Variants in ANKS1B observed in about 807,000 individuals in gnomAD.
The protein encoded by ANKS1B is ankyrin repeat and sterile alpha motif domain containing 1B.
ANKS1B carries 36 observed loss-of-function variants against 148.3 expected under a neutral mutation model. That is an observed-to-expected ratio of 0.24 (90% CI 0.19 to 0.32). The LOEUF is 0.32. Among genes scored for constraint, ANKS1B ranks in the 10% least tolerant of loss-of-function variants. ANKS1B has a pLI of 1.00. For missense variants in ANKS1B, 1,157 were observed against 1,542.6 expected, an observed-to-expected ratio of 0.75 and a Z score of 4.19; for synonymous variants, 542 against 560.8, an observed-to-expected ratio of 0.97 and a Z score of 0.47.
At chr12:99,077,077 C>A (rs556510077) in intron 16 of ANKS1B, among the ~76,000 whole-genome samples, 17 of 152,140 alleles carry the variant, frequency 1.1e-4, no homozygotes, top group East Asian at 3.9e-4. Flanking sequence ...ACAAAAAAAA[C>A]CCCACAAGAC....
intron 10 of ANKS1B, among the ~76,000 whole-genome samples, chr12:99,494,732 CAAAAAAAAAAAA>C (rs59115173): frequency 3.6e-5 from 2 of 55,998 alleles, no homozygotes; most frequent in South Asian, 8.0e-4. Context: ...CACTCTGTCT[CAAAAAAAAAAAA>C]AAAAAAAAAA....
chr12:99,078,177 C>T (rs981870889), intron 16 of ANKS1B, among the ~76,000 whole-genome samples: 9 of 152,112 alleles, frequency 5.9e-5, no homozygotes, highest in Non-Finnish European at 1.3e-4. Flanking sequence ...CTATTTTCTT[C>T]GTTCAGGCCT....
At chr12:98,876,238 G>A (rs2099689430) in intron 17 of ANKS1B, among the ~76,000 whole-genome samples, 1 of 152,176 alleles carries the variant, frequency 6.6e-6, no homozygotes, top group African/African-American at 2.4e-5. Context: ...GGCACCACAT[G>A]TGGGATGCTC....
chr12:98,805,493 T>G (rs1265311309), intron 20 of ANKS1B, among the ~76,000 whole-genome samples: 1 of 152,208 alleles, frequency 6.6e-6, no homozygotes, highest in Non-Finnish European at 1.5e-5. Context: ...ACTATAAATC[T>G]GTAGTCTGGG....
chr12:99,983,845 G>A (rs983264338), intron 1 of ANKS1B, among the ~76,000 whole-genome samples: 1 of 152,178 alleles, frequency 6.6e-6, no homozygotes, highest in Non-Finnish European at 1.5e-5. Flanking sequence ...ACATGTACAA[G>A]TTCTGCACCA....
intron 1 of ANKS1B, among the ~76,000 whole-genome samples, chr12:99,913,530 C>A (rs2094074119): frequency 6.6e-6 from 1 of 151,904 alleles, no homozygotes; most frequent in African/African-American, 2.4e-5. Context: ...ATCACGCTAA[C>A]AAGAAGTAAA....
intron 10 of ANKS1B, among the ~76,000 whole-genome samples, chr12:99,462,792 T>C (rs2152862988): frequency 6.6e-6 from 1 of 152,370 alleles, no homozygotes; most frequent in South Asian, 2.1e-4. Flanking sequence ...ATGAATGGCC[T>C]GGTGCCCTCC....
chr12:99,126,039 C>T (rs920673586), intron 15 of ANKS1B, among the ~76,000 whole-genome samples: 5 of 152,098 alleles, frequency 3.3e-5, no homozygotes, highest in African/African-American at 1.2e-4. Context: ...ACCCCCAAAA[C>T]ACAGAGTTCT....
chr12:99,804,349 G>T (rs2067330005), intron 4 of ANKS1B, among the ~76,000 whole-genome samples: 1 of 152,186 alleles, frequency 6.6e-6, no homozygotes, highest in Admixed American at 6.5e-5. Context: ...CCTTTGAGGA[G>T]AGAGACTGTT....
At chr12:99,047,981 CT>C (rs2153516208) in intron 17 of ANKS1B, among the ~76,000 whole-genome samples, 1 of 152,264 alleles carries the variant, frequency 6.6e-6, no homozygotes, top group East Asian at 1.9e-4. Flanking sequence ...TTTGATGTTA[CT>C]GGCTAAAAAT....
chr12:99,574,437 G>C (rs1460842648), intron 9 of ANKS1B, among the ~76,000 whole-genome samples: 2 of 152,010 alleles, frequency 1.3e-5, no homozygotes, highest in Non-Finnish European at 2.9e-5. Context: ...TCTTAGCAAA[G>C]CTAAAAAGCC....
chr12:99,726,154 G>T (rs1433365175), intron 8 of ANKS1B, among the ~76,000 whole-genome samples: 1 of 151,992 alleles, frequency 6.6e-6, no homozygotes, highest in Non-Finnish European at 1.5e-5. Context: ...AGAACTGAAG[G>T]GGATAGAGAC....
chr12:99,589,692 A>C (rs1489891382), intron 9 of ANKS1B, among the ~76,000 whole-genome samples: 2 of 152,228 alleles, frequency 1.3e-5, no homozygotes, highest in Non-Finnish European at 2.9e-5. Flanking sequence ...TAATGCATAA[A>C]GATATCCATC....
chr12:99,748,612 A>C (rs892442032), intron 8 of ANKS1B, among the ~76,000 whole-genome samples: 3 of 152,082 alleles, frequency 2.0e-5, no homozygotes, highest in African/African-American at 7.2e-5. Context: ...AACTAAGTAG[A>C]TAAAGCTGCT....
intron 1 of ANKS1B, among the ~76,000 whole-genome samples, chr12:99,933,116 G>A (rs1303358571): frequency 1.3e-5 from 2 of 152,038 alleles, no homozygotes; most frequent in African/African-American, 4.8e-5. Flanking sequence ...TGTTCCATTG[G>A]TCTGTGTCTG....
At chr12:99,861,703 T>G (rs1409688521) in intron 1 of ANKS1B, among the ~76,000 whole-genome samples, 1 of 152,170 alleles carries the variant, frequency 6.6e-6, no homozygotes, top group Admixed American at 6.5e-5. Flanking sequence ...TGTAAACAAT[T>G]AAATCTGTTC....
At chr12:99,606,426 A>G (rs1285125728) in intron 9 of ANKS1B, among the ~76,000 whole-genome samples, 1 of 151,750 alleles carries the variant, frequency 6.6e-6, no homozygotes. Context: ...TAGTAACTTA[A>G]TTTCTAGTTA....
chr12:99,668,445 T>A (rs1306693034), intron 8 of ANKS1B, among the ~76,000 whole-genome samples: 1 of 152,068 alleles, frequency 6.6e-6, no homozygotes, highest in Non-Finnish European at 1.5e-5. Context: ...GAAGCTTAGG[T>A]CTTTCATTTA....
At chr12:99,501,283 T>C (rs2096652969) in intron 10 of ANKS1B, among the ~76,000 whole-genome samples, 2 of 152,154 alleles carry the variant, frequency 1.3e-5, no homozygotes, top group Non-Finnish European at 2.9e-5. Context: ...GGGTTTTCTT[T>C]CCCTATAGGC....
Sources: gnomAD v4.1 joint callset for allele counts (sites outside exome capture counted in the v4.1 genomes callset) on GRCh38, gnomAD v4.1.1 for gene constraint, MANE v1.5 for transcripts, NCBI Gene and HGNC (gene_info 2026-07-23, HGNC 2026-07-21) for gene names.